RAC1: variants seen among roughly 807,000 people sequenced by gnomAD.
RAC1 encodes the protein Rac family small GTPase 1.
A neutral mutation model predicts 25.2 loss-of-function variants in RAC1; 2 were observed. That is an observed-to-expected ratio of 0.08 (90% CI 0.03 to 0.25). The LOEUF is 0.25. Ranked by LOEUF, RAC1 falls within the 10% of genes least tolerant of loss-of-function variation. The probability of loss-of-function intolerance (pLI) is 1.00; values close to 1 mark genes in which losing one functional copy is unlikely to be tolerated. For missense variants in RAC1, 50 were observed against 235.7 expected, an observed-to-expected ratio of 0.21 and a Z score of 5.16; for synonymous variants, 88 against 94.0, an observed-to-expected ratio of 0.94 and a Z score of 0.37.
chr7:6,384,957 C>T (rs941806394), intron 1 of RAC1, among the ~76,000 whole-genome samples: 10 of 151,854 alleles, frequency 6.6e-5, no homozygotes, highest in South Asian at 2.1e-4. Flanking sequence ...TGCTGCACAC[C>T]GCCACACCCA....
intron 1 of RAC1, among the ~76,000 whole-genome samples, chr7:6,375,190 CA>C (rs1782546123): frequency 6.6e-6 from 1 of 152,066 alleles, no homozygotes; most frequent in Non-Finnish European, 1.5e-5. Flanking sequence ...ACGCGGCGGT[CA>C]AGTCGATCAT....
intron 1 of RAC1, among the ~76,000 whole-genome samples, chr7:6,380,342 G>T (rs1239346474): frequency 2.0e-5 from 3 of 150,774 alleles, no homozygotes; most frequent in Non-Finnish European, 2.9e-5. Context: ...ACATAATGTG[G>T]TTTTTTTTCT....
At chr7:6,380,971 C>T (rs34455743) in intron 1 of RAC1, among the ~76,000 whole-genome samples, 3,472 of 152,200 alleles carry the variant, frequency 0.023, 138 homozygotes, top group African/African-American at 0.079. Flanking sequence ...CAGGTTCAGG[C>T]GATTCTCCTG....
intron 1 of RAC1, among the ~76,000 whole-genome samples, chr7:6,383,812 T>C (rs1278593054): frequency 9.4e-6 from 1 of 105,870 alleles, no homozygotes; most frequent in African/African-American, 3.9e-5. Flanking sequence ...TTTTTTTTTT[T>C]TTTTTTTGAG....
intron 2 of RAC1, among the ~76,000 whole-genome samples, chr7:6,388,110 A>G (rs836483): frequency 0.57 from 87,100 of 151,782 alleles, 26,288 homozygotes; most frequent in East Asian, 0.91. Flanking sequence ...CTTACTCCCT[A>G]TAGGCAGCAG....
intron 1 of RAC1, among the ~76,000 whole-genome samples, chr7:6,380,358 A>G (rs954895003): frequency 2.1e-5 from 3 of 142,994 alleles, no homozygotes; most frequent in Non-Finnish European, 4.5e-5. Flanking sequence ...TTTCTTGATA[A>G]GCCAAAAAAA....
chr7:6,384,089 C>T (rs836485), intron 1 of RAC1, among the ~76,000 whole-genome samples: 6 of 151,948 alleles, frequency 3.9e-5, no homozygotes, highest in African/African-American at 1.5e-4. Context: ...GCCACCGAGC[C>T]CAGCCAACCT....
chr7:6,383,553 G>C (rs759424092), intron 1 of RAC1, among the ~76,000 whole-genome samples: 11 of 152,016 alleles, frequency 7.2e-5, no homozygotes, highest in Non-Finnish European at 1.6e-4. Flanking sequence ...ATTTCTTCCC[G>C]GTTGAGCCTT....
In RAC1 at chr7:6,402,503, AAAAAAAAAC is replaced by A. The variant is rs1303653047; in HGVS notation, c.*66_*74del. The A allele has an allele frequency of 3.0e-6, 2 of 664,880 alleles. No individual in the cohort carries two copies. Among genetic ancestry groups the A allele is most frequent in the Non-Finnish European group, 3.6e-6 (2 of 559,172 alleles). The allele number at this position is 664,880 out of a possible 1,614,324, so 41.2% of individuals were successfully genotyped here. A position where few individuals can be genotyped will look rare whatever the true frequency, so the allele number is the denominator to read the frequency against. On this transcript the variant is annotated 3_prime_UTR_variant, in exon 6 of 6. Coordinates refer to ENST00000348035, the MANE Select transcript of RAC1 (RefSeq NM_006908.5). ...CTTGGAACCTTTGTACGCTTTGCTC[AAAAAAAAAC>A]AAAAAAAAAAAACAAAAAAAAAAAA...
Position 6,387,248 on chromosome 7 carries a change from A to G in RAC1, c.72A>G (p.Thr24=), listed in dbSNP as rs1583262597. 1 of 1,572,686 alleles carries G rather than the reference A, an allele frequency of 6.4e-7. No homozygotes were observed. The highest frequency in any genetic ancestry group is 8.6e-7 in the Non-Finnish European group (1 of 1,164,930). ...VGKTCLLISY[T]TNAFPGEYIP... Reference sequence around the variant, plus strand: ...AAACTTGCCTACTGATCAGTTACACAACCAATGCATTTCCTGGAGAATATA... The same window carrying G: ...AAACTTGCCTACTGATCAGTTACACGACCAATGCATTTCCTGGAGAATATA... The change falls in exon 2 of 6, where the codon ACA becomes ACG. Residue 24 remains threonine, a synonymous_variant. Coordinates refer to ENST00000348035, the MANE Select transcript of RAC1 (RefSeq NM_006908.5).
At chr7:6,389,203 CAAAA>C (rs5882093) in intron 2 of RAC1, among the ~76,000 whole-genome samples, 4 of 138,768 alleles carry the variant, frequency 2.9e-5, no homozygotes, top group African/African-American at 7.6e-5. Flanking sequence ...CTCTGTCTCC[CAAAA>C]AAAAAAAAAA....
chr7:6,394,360 G>T (rs1442252049), intron 3 of RAC1, among the ~76,000 whole-genome samples: 3 of 152,144 alleles, frequency 2.0e-5, no homozygotes, highest in African/African-American at 7.2e-5. Context: ...ATTTTCTCTT[G>T]AAAATCTTTG....
At chr7:6,391,570 A>G (rs1783094045) in intron 2 of RAC1, 1 of 266,758 alleles carries the variant, frequency 3.7e-6, no homozygotes. Flanking sequence ...AGTACATGAA[A>G]AACCCAACAA....
At chr7:6,398,541 G>A in intron 3 of RAC1, 2 of 762,810 alleles carry the variant, frequency 2.6e-6, no homozygotes, top group Admixed American at 2.6e-5. Flanking sequence ...TCTATTGTAT[G>A]CTTTTGGATC....
intron 1 of RAC1, among the ~76,000 whole-genome samples, chr7:6,386,070 C>T (rs1038792540): frequency 6.6e-6 from 1 of 152,242 alleles, no homozygotes; most frequent in Non-Finnish European, 1.5e-5. Flanking sequence ...CACCACTCTT[C>T]TGCCTGGCGG....
chr7:6,389,597 T>C (rs897867850), intron 2 of RAC1, among the ~76,000 whole-genome samples: 2 of 152,024 alleles, frequency 1.3e-5, no homozygotes, highest in African/African-American at 4.8e-5. Flanking sequence ...GGAGGATTGC[T>C]TGAACCTGGG....
At position 6,402,529 on chromosome 7, in the gene RAC1, A is replaced by AAAAAAAAAAAAAAAAAC; in HGVS notation, c.*91_*92insAAAAAAAACAAAAAAAA. 9.1e-7 allele frequency: 1 copy of AAAAAAAAAAAAAAAAAC among 1,096,606 alleles called. No homozygotes were observed. Among genetic ancestry groups the AAAAAAAAAAAAAAAAAC allele is most frequent in the East Asian group, 3.7e-5 (1 of 27,130 alleles). 67.9% of individuals were successfully genotyped at this position (1,096,606 alleles called of 1,614,324 possible). A position where few individuals can be genotyped will look rare whatever the true frequency, so the allele number is the denominator to read the frequency against. On this transcript the variant is annotated 3_prime_UTR_variant, in exon 6 of 6. Transcript: ENST00000348035. ...AAAAAAAACAAAAAAAAAAAACAAA[A>AAAAAAAAAAAAAAAAAC]AAAAAAAACAACGGTGGAGCCTTCG...
intron 5 of RAC1, 46 bp downstream of exon 5, chr7:6,402,073 T>C (rs370432255): frequency 3.8e-6 from 6 of 1,583,302 alleles, no homozygotes; most frequent in Non-Finnish European, 4.3e-6. Flanking sequence ...TCTTTTATTG[T>C]AGTGACAGAG....
chr7:6,388,253 C>T (rs34378191), intron 2 of RAC1, among the ~76,000 whole-genome samples: 1 of 151,972 alleles, frequency 6.6e-6, no homozygotes, highest in Admixed American at 6.6e-5. Flanking sequence ...GTCGCCTCCT[C>T]CCCACCTGTG....
Sources: gnomAD v4.1 joint callset for allele counts (sites outside exome capture counted in the v4.1 genomes callset) on GRCh38, gnomAD v4.1.1 for gene constraint, MANE v1.5 for transcripts, NCBI Gene and HGNC (gene_info 2026-07-23, HGNC 2026-07-21) for gene names.